NBAS: variants seen among roughly 807,000 people sequenced by gnomAD.
NBAS encodes the protein NBAS subunit of NRZ tethering complex.
NBAS carries 219 observed loss-of-function variants against 302.5 expected under a neutral mutation model. That is an observed-to-expected ratio of 0.72 (90% CI 0.65 to 0.81). NBAS has a LOEUF of 0.81. NBAS is among the 30% of genes least tolerant of loss of function. The pLI, the probability that NBAS is intolerant of heterozygous loss-of-function variation, is 0.00. For missense variants in NBAS, 2,932 were observed against 2,841.6 expected (o/e 1.03, Z -0.72); for synonymous variants, 1,118 against 1,021.6 (o/e 1.09, Z -1.80).
At chr2:14,901,992 T>C in the NBAS span, among the ~76,000 whole-genome samples, 35,174 of 151,134 alleles carry the variant, frequency 0.23, 4,423 homozygotes, top group Non-Finnish European at 0.26. Context: ...CACCAGAAAA[T>C]GCACCACTGA....
the NBAS span, among the ~76,000 whole-genome samples, chr2:15,041,834 G>T: frequency 6.6e-6 from 1 of 152,186 alleles, no homozygotes; most frequent in Non-Finnish European, 1.5e-5. Flanking sequence ...CGGCTTTGGT[G>T]TTCTATTTTT....
the NBAS span, among the ~76,000 whole-genome samples, chr2:15,073,340 G>A: frequency 6.6e-6 from 1 of 151,660 alleles, no homozygotes; most frequent in Non-Finnish European, 1.5e-5. Flanking sequence ...TTAGCTGGGC[G>A]TGGTGGCAGG....
At chr2:15,363,240 A>C (rs1674026900) in intron 32 of NBAS, among the ~76,000 whole-genome samples, 1 of 152,168 alleles carries the variant, frequency 6.6e-6, no homozygotes, top group South Asian at 2.1e-4. Flanking sequence ...ATAGTAGTAA[A>C]AGCCCATTCC....
intron 41 of NBAS, 82 bp from the exon 42 acceptor site, chr2:15,287,265 C>T: frequency 3.8e-6 from 4 of 1,049,870 alleles, no homozygotes; most frequent in Non-Finnish European, 5.9e-6. Flanking sequence ...CTCATTAGGA[C>T]TGCTCTCCAG....
At chr2:15,308,164 T>A (rs1331164529) in intron 40 of NBAS, 52 bp downstream of exon 40, 8 of 1,612,342 alleles carry the variant, frequency 5.0e-6, no homozygotes, top group Non-Finnish European at 6.8e-6. Context: ...TTGAGTATTT[T>A]AGAAAAGGCT....
At chr2:15,371,175 T>C (rs923677635) in intron 31 of NBAS, among the ~76,000 whole-genome samples, 1 of 152,184 alleles carries the variant, frequency 6.6e-6, no homozygotes, top group Non-Finnish European at 1.5e-5. Context: ...AAATATACTC[T>C]TCTCTTTCCC....
intron 48 of NBAS, among the ~76,000 whole-genome samples, chr2:15,193,331 CAA>C (rs1332484678): frequency 6.6e-6 from 1 of 152,110 alleles, no homozygotes; most frequent in Admixed American, 6.5e-5. Flanking sequence ...CGTTTCAAGT[CAA>C]GTTACTCAGC....
intron 7 of NBAS, among the ~76,000 whole-genome samples, chr2:15,537,231 G>C (rs1184027777): frequency 1.3e-5 from 2 of 152,130 alleles, no homozygotes; most frequent in Non-Finnish European, 2.9e-5. Flanking sequence ...CCCCTTAACT[G>C]CCTAAAAACA....
chr2:15,129,471 C>T, the NBAS span, among the ~76,000 whole-genome samples: 1 of 152,212 alleles, frequency 6.6e-6, no homozygotes, highest in African/African-American at 2.4e-5. Context: ...CCCCGCCTCC[C>T]TTATGTGCCA....
the NBAS span, among the ~76,000 whole-genome samples, chr2:15,054,060 T>A: frequency 6.6e-6 from 1 of 151,972 alleles, no homozygotes; most frequent in Admixed American, 6.6e-5. Context: ...AGGTCAACAA[T>A]CCCCTCCAAA....
chr2:15,359,518 C>T lies in NBAS; in HGVS notation c.3818-3102G>A, dbSNP rs142832130. ...AAAAATATACAAGAAAAATTCAGCT[C>T]ATGTTAAAAGATCTAAAATTATTTT... is the stretch of plus-strand genomic sequence containing the variant. On this transcript the variant is annotated intron_variant, in intron 32 of 51. Transcript: ENST00000281513. Among the ~76,000 whole-genome samples the T allele has an allele frequency of 5.7e-3, 861 of 152,040 alleles. 6 individuals carry two copies. The highest frequency in any genetic ancestry group is 9.2e-3 in the Non-Finnish European group (625 of 67,994).
At chr2:14,991,571 C>A in the NBAS span, among the ~76,000 whole-genome samples, 2 of 152,220 alleles carry the variant, frequency 1.3e-5, no homozygotes, top group African/African-American at 4.8e-5. Flanking sequence ...AGAGCTGTTA[C>A]AACTTTCTGC....
intron 9 of NBAS, among the ~76,000 whole-genome samples, chr2:15,528,590 G>A (rs970077715): frequency 3.3e-5 from 5 of 149,914 alleles, no homozygotes; most frequent in African/African-American, 1.2e-4. Context: ...TACACTGGCC[G>A]GGCGTGGTGG....
At chr2:15,424,244 G>A (rs916508487) in intron 23 of NBAS, 71 bp downstream of exon 23, 82 of 1,553,622 alleles carry the variant, frequency 5.3e-5, no homozygotes, top group Admixed American at 2.0e-4. Context: ...CCCCGACTCC[G>A]TGTACTGAAT....
chr2:14,880,613 T>C, the NBAS span, among the ~76,000 whole-genome samples: 905 of 150,938 alleles, frequency 6.0e-3, 10 homozygotes, highest in African/African-American at 0.021. Flanking sequence ...AAAAGAAACA[T>C]TGAAAAGAGT....
chr2:15,437,548 T>C (rs1678091079), intron 21 of NBAS, among the ~76,000 whole-genome samples: 1 of 152,150 alleles, frequency 6.6e-6, no homozygotes, highest in Non-Finnish European at 1.5e-5. Context: ...CGACAGAATG[T>C]GACTAGGAAG....
the NBAS span, among the ~76,000 whole-genome samples, chr2:14,888,617 T>C: frequency 6.6e-6 from 1 of 152,140 alleles, no homozygotes; most frequent in Admixed American, 6.5e-5. Flanking sequence ...CTGTCATAAA[T>C]GTGTTAACTA....
intron 44 of NBAS, among the ~76,000 whole-genome samples, chr2:15,254,929 C>T (rs1484000095): frequency 1.3e-5 from 2 of 151,980 alleles, no homozygotes; most frequent in Non-Finnish European, 2.9e-5. Context: ...TGTGTGTGCA[C>T]ACGTGTACCT....
the NBAS span, among the ~76,000 whole-genome samples, chr2:14,790,899 A>C: frequency 6.6e-6 from 1 of 152,058 alleles, no homozygotes. Context: ...CTTGTTGCCC[A>C]GACTGGAGTG....
Sources: gnomAD v4.1 joint callset for allele counts (sites outside exome capture counted in the v4.1 genomes callset) on GRCh38, gnomAD v4.1.1 for gene constraint, MANE v1.5 for transcripts, NCBI Gene and HGNC (gene_info 2026-07-23, HGNC 2026-07-21) for gene names.